The following NCOA2 variants were observed in gnomAD, a reference collection of about 807,000 sequenced individuals.
The protein encoded by NCOA2 is class E basic helix-loop-helix protein 75.
Under a neutral mutation model 145.1 loss-of-function variants are expected in NCOA2, and 21 were observed. The observed-to-expected ratio is 0.14, with a 90% CI of 0.10 to 0.21. The LOEUF (loss-of-function observed/expected upper bound fraction) is 0.21, where lower values mean the gene tolerates loss of function less well. Ranked by LOEUF, NCOA2 falls within the 10% of genes least tolerant of loss-of-function variation. NCOA2 has a pLI of 1.00. For synonymous variants in NCOA2, 619 were observed against 637.5 expected, an observed-to-expected ratio of 0.97 and a Z score of 0.44; for missense variants, 1,472 against 1,837.6, an observed-to-expected ratio of 0.80 and a Z score of 3.64.
At chr8:70,192,811 G>A (rs1816831542) in intron 4 of NCOA2, among the ~76,000 whole-genome samples, 1 of 152,122 alleles carries the variant, frequency 6.6e-6, no homozygotes, top group African/African-American at 2.4e-5. Flanking sequence ...GCTCATGCCT[G>A]TAATCCCAGC....
chr8:70,298,751 T>C (rs1329297342), intron 1 of NCOA2, among the ~76,000 whole-genome samples: 1 of 152,144 alleles, frequency 6.6e-6, no homozygotes, highest in East Asian at 1.9e-4. Flanking sequence ...GGCAAAAGTG[T>C]CAATGCACCC....
chr8:70,281,928 A>G (rs914237990), intron 2 of NCOA2, among the ~76,000 whole-genome samples: 2 of 152,250 alleles, frequency 1.3e-5, no homozygotes, highest in African/African-American at 4.8e-5. Context: ...CTAAAAGTGT[A>G]TGATATAATT....
rs111602169 is a variant in NCOA2 at position 70,233,220 on chromosome 8, C to T, written c.-19-16456G>A. Among the ~76,000 whole-genome samples, 585 of 150,740 alleles carry T rather than the reference C, an allele frequency of 3.9e-3. 9 individuals carry two copies. The highest frequency in any genetic ancestry group is 0.014 in the African/African-American group (561 of 40,980). ...CAGCCTGGGTGACAGAGTGAGACTC[C>T]GTTTAAAAAAAAAAAGATAATACGT... On this transcript the variant is annotated intron_variant, in intron 2 of 22. Transcript: ENST00000452400.
intron 1 of NCOA2, among the ~76,000 whole-genome samples, chr8:70,403,210 GCCGCGCTGCCC>G (rs1295540449): frequency 6.6e-6 from 1 of 151,212 alleles, no homozygotes; most frequent in African/African-American, 2.4e-5. Context: ...TCTCGGCTCT[GCCGCGCTGCCC>G]CCGAGGGGTT....
At chr8:70,257,753 A>G (rs1823757759) in intron 2 of NCOA2, among the ~76,000 whole-genome samples, 1 of 151,964 alleles carries the variant, frequency 6.6e-6, no homozygotes, top group Non-Finnish European at 1.5e-5. Context: ...CCTCTACCAG[A>G]AAACTTTTTC....
At position 70,148,491 on chromosome 8, in the gene NCOA2, T is replaced by G. The variant is rs770605674; in HGVS notation, c.2395-8A>C. 1.9e-6 allele frequency: 3 copies of G among 1,611,902 alleles called. No individual in the cohort carries two copies. The highest frequency in any genetic ancestry group is 2.5e-6 in the Non-Finnish European group (3 of 1,179,486). On this transcript the variant is annotated splice_region_variant and splice_polypyrimidine_tract_variant and intron_variant, in intron 11 of 22. Transcript: ENST00000452400. ...GTCCAGCTCACTGCCAGGCTGTAGT[T>G]GACAAACAGAAGAGTTTATCCAGTC...
At chr8:70,147,024 T>C (rs1811144524) in intron 12 of NCOA2, among the ~76,000 whole-genome samples, 1 of 152,210 alleles carries the variant, frequency 6.6e-6, no homozygotes, top group Non-Finnish European at 1.5e-5. Context: ...TTCTCAACTC[T>C]TTTGACTTCG....
chr8:70,424,446 T>C, the NCOA2 span: 2 of 487,826 alleles, frequency 4.1e-6, no homozygotes, highest in Non-Finnish European at 4.1e-6. Flanking sequence ...GCTTTCTCAA[T>C]ACCACATGAG....
At chr8:70,163,625 C>A (rs1272439159) in intron 7 of NCOA2, 59 bp from the exon 8 acceptor site, 1 of 1,325,732 alleles carries the variant, frequency 7.5e-7, no homozygotes, top group Non-Finnish European at 1.1e-6. Flanking sequence ...TCAAACAAAC[C>A]CAAGTGTATT....
At chr8:70,189,354 CA>C (rs1554587481) in intron 4 of NCOA2, among the ~76,000 whole-genome samples, 2 of 152,208 alleles carry the variant, frequency 1.3e-5, no homozygotes, top group Non-Finnish European at 2.9e-5. Context: ...TCCATAATAT[CA>C]TTTACTGTAT....
chr8:70,386,427 A>T (rs1040543220), intron 1 of NCOA2, among the ~76,000 whole-genome samples: 1 of 152,214 alleles, frequency 6.6e-6, no homozygotes, highest in African/African-American at 2.4e-5. Context: ...AAGCAGCATC[A>T]TTCTAGTGCT....
intron 4 of NCOA2, among the ~76,000 whole-genome samples, chr8:70,195,782 C>A (rs553570007): frequency 6.6e-6 from 1 of 152,268 alleles, no homozygotes; most frequent in East Asian, 1.9e-4. Flanking sequence ...CCTGCTACAC[C>A]GCTTACAACT....
At chr8:70,362,814 A>C (rs982174237) in intron 1 of NCOA2, among the ~76,000 whole-genome samples, 1 of 152,204 alleles carries the variant, frequency 6.6e-6, no homozygotes, top group Non-Finnish European at 1.5e-5. Flanking sequence ...ACAGTGGCTC[A>C]CACCTGAAAT....
At chr8:70,220,362 G>A (rs1456315348) in intron 2 of NCOA2, among the ~76,000 whole-genome samples, 1 of 152,128 alleles carries the variant, frequency 6.6e-6, no homozygotes, top group Non-Finnish European at 1.5e-5. Flanking sequence ...CAGTCATTGA[G>A]AGCAAACCAG....
chr8:70,422,360 G>T, the NCOA2 span, among the ~76,000 whole-genome samples: 1 of 151,926 alleles, frequency 6.6e-6, no homozygotes, highest in Admixed American at 6.6e-5. Flanking sequence ...TTGCCTTAAA[G>T]GTGCATATCC....
the NCOA2 span, among the ~76,000 whole-genome samples, chr8:70,423,759 G>A: frequency 7.9e-5 from 12 of 152,202 alleles, no homozygotes; most frequent in East Asian, 2.3e-3. Context: ...CGAGTAACTG[G>A]CTACAAAAGT....
intron 1 of NCOA2, among the ~76,000 whole-genome samples, chr8:70,305,203 T>G (rs533098769): frequency 1.3e-5 from 2 of 151,844 alleles, no homozygotes; most frequent in South Asian, 4.2e-4. Flanking sequence ...ACATTATATA[T>G]GTAACTACAA....
At chr8:70,381,501 C>T (rs1253766142) in intron 1 of NCOA2, among the ~76,000 whole-genome samples, 1 of 152,076 alleles carries the variant, frequency 6.6e-6, no homozygotes, top group African/African-American at 2.4e-5. Context: ...GGGAACCCTA[C>T]GAAGGTATAA....
intron 6 of NCOA2, among the ~76,000 whole-genome samples, chr8:70,168,021 A>G (rs1315732018): frequency 4.6e-5 from 7 of 152,216 alleles, no homozygotes; most frequent in Admixed American, 3.9e-4. Context: ...GGACAGTAGG[A>G]CAATAGAACA....
Sources: allele counts gnomAD v4.1 joint callset (sites outside exome capture counted in the v4.1 genomes callset), GRCh38; gene constraint gnomAD v4.1.1; transcripts MANE v1.5; gene names NCBI Gene and HGNC (gene_info 2026-07-23, HGNC 2026-07-21).